PIGV: variants seen among roughly 807,000 people sequenced by gnomAD.
PIGV encodes GPI alpha-1,6-mannosyltransferase 2.
A neutral mutation model predicts 39.2 loss-of-function variants in PIGV; 27 were observed. The ratio of observed to expected loss-of-function variants is 0.69; its 90% CI spans 0.51 to 0.95. The LOEUF (loss-of-function observed/expected upper bound fraction) is 0.95. Among genes scored for constraint, PIGV ranks in the 40% least tolerant of loss-of-function variants. The pLI, the probability that PIGV is intolerant of heterozygous loss-of-function variation, is 0.00. For missense variants in PIGV, 523 were observed against 586.4 expected, an observed-to-expected ratio of 0.89 and a Z score of 1.12; for synonymous variants, 232 against 241.7, an observed-to-expected ratio of 0.96 and a Z score of 0.37.
intron 2 of PIGV, among the ~76,000 whole-genome samples, chr1:26,793,458 G>C (rs998655096): frequency 1.3e-5 from 2 of 152,174 alleles, no homozygotes; most frequent in African/African-American, 2.4e-5. Flanking sequence ...TAACAGAGTT[G>C]ATCACTCCTT....
In PIGV at chr1:26,794,217, C is replaced by T. The variant is rs769117896; in HGVS notation, c.183C>T (p.Gly61=). The change falls in exon 3 of 4, where the codon GGC becomes GGT. Residue 61 remains glycine, a synonymous_variant. Coordinates refer to ENST00000674202, the MANE Select transcript of PIGV (RefSeq NM_017837.4). ...ACCAACTCGTGGAAGGTCTTCTGGG[C>T]GGCCTGTCTCACTGGGATGCTGAAC... ...FVDQLVEGLL[G]GLSHWDAEHF... is the part of the protein sequence containing the mutation. 1.7e-5 allele frequency: 28 copies of T among 1,614,068 alleles called. No individual in the cohort carries two copies. The highest frequency in any genetic ancestry group is 1.6e-4 in the Middle Eastern group (1 of 6,084).
Position 26,798,086 on chromosome 1 carries a change from A to C in PIGV, c.*242A>C. ...CTGTAAGTGAAGATTGTCGTATTCCAAGTCTAAAATACACCTGGATCTGTC... is the reference window on the plus strand; with the variant it reads ...CTGTAAGTGAAGATTGTCGTATTCCCAGTCTAAAATACACCTGGATCTGTC... On this transcript the variant is annotated 3_prime_UTR_variant, in exon 4 of 4. Transcript: ENST00000674202. The C allele has an allele frequency of 1.9e-6, 1 of 535,666 alleles. No homozygotes were observed. Among genetic ancestry groups the C allele is most frequent in the Middle Eastern group, 5.2e-4 (1 of 1,938 alleles). 33.2% of individuals were successfully genotyped at this position (535,666 alleles called of 1,614,324 possible).
intron 2 of PIGV, among the ~76,000 whole-genome samples, chr1:26,791,189 G>T (rs1570636943): frequency 3.3e-5 from 5 of 152,288 alleles, no homozygotes; most frequent in Admixed American, 3.3e-4. Flanking sequence ...TCCTGAGCTA[G>T]TGGTCTCTCC....
intron 3 of PIGV, among the ~76,000 whole-genome samples, chr1:26,796,144 G>C (rs2081381060): frequency 6.7e-6 from 1 of 149,388 alleles, no homozygotes; most frequent in African/African-American, 2.5e-5. Context: ...ACAGGCGTGA[G>C]CTACCACGCT....
chr1:26,792,934 A>G (rs757666835), intron 2 of PIGV, among the ~76,000 whole-genome samples: 1 of 152,226 alleles, frequency 6.6e-6, no homozygotes, highest in African/African-American at 2.4e-5. Context: ...AACATGTAAC[A>G]TGTAACAAAT....
intron 3 of PIGV, among the ~76,000 whole-genome samples, chr1:26,796,164 ATTTTTTT>A (rs1226934532): frequency 1.6e-5 from 2 of 125,108 alleles, no homozygotes; most frequent in African/African-American, 6.1e-5. Flanking sequence ...TCGGCCTGAG[ATTTTTTT>A]TTTTTTTTTT....
intron 3 of PIGV, 106 bp from the exon 4 acceptor site, chr1:26,797,457 C>A: frequency 1.1e-6 from 1 of 886,412 alleles, no homozygotes; most frequent in Non-Finnish European, 1.9e-6. Flanking sequence ...CATTTCTAGT[C>A]ACAGGACCAT....
Position 26,798,113 on chromosome 1 carries a change from A to C in PIGV, c.*269A>C. On this transcript the variant is annotated 3_prime_UTR_variant, in exon 4 of 4. Transcript: ENST00000674202. ...GTCTAAAATACACCTGGATCTGTCTAGTCAATCAACATAGCAGAGACAGTC... is the reference window on the plus strand; with the variant it reads ...GTCTAAAATACACCTGGATCTGTCTCGTCAATCAACATAGCAGAGACAGTC... 1 of 484,366 alleles carries C rather than the reference A, an allele frequency of 2.1e-6. No homozygotes were observed. The highest frequency in any genetic ancestry group is 1.9e-5 in the African/African-American group (1 of 51,416). 30.0% of individuals were successfully genotyped at this position (484,366 alleles called of 1,614,324 possible).
Position 26,794,742 on chromosome 1 carries a change from G to C in PIGV, c.708G>C (p.Lys236Asn). Residue 236 changes from lysine (K) to asparagine (N), a missense_variant, in exon 3 of 4, where the codon AAG (lysine) becomes AAC (asparagine). Transcript: ENST00000674202. ...TMLNPLRQLF[K>N]LMASLFLSVF... ...TGAATCCTCTGAGACAGCTCTTTAA[G>C]CTGATGGCCTCTCTGTTTCTGTCGG... 1 of 1,614,162 alleles carries C rather than the reference G, an allele frequency of 6.2e-7. No homozygotes were observed. Among genetic ancestry groups the C allele is most frequent in the Non-Finnish European group, 8.5e-7 (1 of 1,180,042 alleles).
At chr1:26,797,405 G>A (rs867993225) in intron 3 of PIGV, among the ~76,000 whole-genome samples, 158 bp from the exon 4 acceptor site, 1 of 152,172 alleles carries the variant, frequency 6.6e-6, no homozygotes, top group Non-Finnish European at 1.5e-5. Flanking sequence ...ATCTTTCTAA[G>A]ACAGATCCTA....
In PIGV at chr1:26,795,058, A is replaced by G; in HGVS notation, c.1024A>G (p.Thr342Ala). 2 of 1,614,206 alleles carry G rather than the reference A, an allele frequency of 1.2e-6. No individual in the cohort carries two copies. The highest frequency in any genetic ancestry group is 1.7e-6 in the Non-Finnish European group (2 of 1,180,036). ...APVAILVAWATWTYVTTHPWL... is the reference protein window; with the variant it reads ...APVAILVAWAAWTYVTTHPWL... ...AGTGGCTATACTGGTTGCCTGGGCAACTTGGACATACGTGACCACTCACCC... is the reference window on the plus strand; with the variant it reads ...AGTGGCTATACTGGTTGCCTGGGCAGCTTGGACATACGTGACCACTCACCC... Residue 342 changes from threonine (T) to alanine (A), a missense_variant, in exon 3 of 4, where the codon ACT becomes GCT. Transcript: ENST00000674202.
rs759384610 is a variant in PIGV, at chr1:26,797,556, T to A, written c.1201-7T>A. 2.0e-5 allele frequency: 32 copies of A among 1,613,388 alleles called. No homozygotes were observed. Among genetic ancestry groups the A allele is most frequent in the Non-Finnish European group, 2.6e-5 (31 of 1,179,446 alleles). ...ATGTCTGGATATTCCCCTCTCATGA[T>A]TTCTAGGTTCTCACCAGGTTTTTGG... On this transcript the variant is annotated splice_region_variant and splice_polypyrimidine_tract_variant and intron_variant, in intron 3 of 3. Transcript: ENST00000674202.
At position 26,798,071 on chromosome 1, in the gene PIGV, A is replaced by G; in HGVS notation, c.*227A>G. 1 of 563,438 alleles carries G rather than the reference A, an allele frequency of 1.8e-6. No homozygotes were observed. The highest frequency in any genetic ancestry group is 3.2e-6 in the Non-Finnish European group (1 of 313,884). 34.9% of individuals were successfully genotyped at this position (563,438 alleles called of 1,614,324 possible). ...AGACAACTATTTTCTCTGTAAGTGAAGATTGTCGTATTCCAAGTCTAAAAT... is the reference window on the plus strand; with the variant it reads ...AGACAACTATTTTCTCTGTAAGTGAGGATTGTCGTATTCCAAGTCTAAAAT... On this transcript the variant is annotated 3_prime_UTR_variant, in exon 4 of 4. Transcript: ENST00000674202.
At chr1:26,789,034 G>A (rs933286474) in intron 1 of PIGV, 1 of 152,260 alleles carries the variant, frequency 6.6e-6, no homozygotes, top group South Asian at 2.1e-4. Context: ...GGCAGAGGTG[G>A]GTTAGGTGCT....
rs956653072 is a variant in PIGV, at chr1:26,799,430, T to G, written c.*1586T>G. ...CCCATTCCTTGAGCCAGACGAGAGTTTGGCTCTGTATCATCCATCACCTCT... is the reference window on the plus strand; with the variant it reads ...CCCATTCCTTGAGCCAGACGAGAGTGTGGCTCTGTATCATCCATCACCTCT... On this transcript the variant is annotated 3_prime_UTR_variant, in exon 4 of 4. Transcript: ENST00000674202. Among the ~76,000 whole-genome samples, 2 of 152,222 alleles carry G rather than the reference T, an allele frequency of 1.3e-5. No homozygotes were observed.
chr1:26,789,780 CCTT>C (rs1412064247), intron 1 of PIGV, among the ~76,000 whole-genome samples: 4 of 152,150 alleles, frequency 2.6e-5, no homozygotes, highest in African/African-American at 9.7e-5. Context: ...CAGCCGTCCT[CCTT>C]AAATTTCTCA....
intron 2 of PIGV, among the ~76,000 whole-genome samples, chr1:26,791,190 T>G (rs1476633572): frequency 6.6e-6 from 1 of 152,168 alleles, no homozygotes; most frequent in East Asian, 1.9e-4. Context: ...CCTGAGCTAG[T>G]GGTCTCTCCA....
Position 26,798,531 on chromosome 1 carries a change from C to G in PIGV, c.*687C>G, listed in dbSNP as rs1182933915. 1 of 152,704 alleles carries G rather than the reference C, an allele frequency of 6.5e-6. No homozygotes were observed. The highest frequency in any genetic ancestry group is 1.5e-5 in the Non-Finnish European group (1 of 68,536). 9.5% of individuals were successfully genotyped at this position (152,704 alleles called of 1,614,324 possible). The stretch of plus-strand genomic sequence containing the variant: ...TTTGAGACCGGCCTGGCCAACATGG[C>G]AAAACCCCGTCTCTACTAAAAATAC... On this transcript the variant is annotated 3_prime_UTR_variant, in exon 4 of 4. Coordinates refer to ENST00000674202, the MANE Select transcript of PIGV (RefSeq NM_017837.4).
At chr1:26,795,665 G>C (rs1342312246) in intron 3 of PIGV, among the ~76,000 whole-genome samples, 1 of 130,034 alleles carries the variant, frequency 7.7e-6, no homozygotes, top group Non-Finnish European at 1.6e-5. Context: ...AGCTGACATT[G>C]CACCACTGCA....
Sources: gnomAD v4.1 joint callset for allele counts (sites outside exome capture counted in the v4.1 genomes callset) on GRCh38, gnomAD v4.1.1 for gene constraint, MANE v1.5 for transcripts, NCBI Gene and HGNC (gene_info 2026-07-23, HGNC 2026-07-21) for gene names.